Variants in ERC2 observed in about 807,000 individuals in gnomAD.
The protein encoded by ERC2 is ELKS/RAB6-interacting/CAST family member 2, also known as ERC protein 2.
In ERC2, 42 loss-of-function variants were observed where a neutral mutation model predicts 114.8. That is an observed-to-expected ratio of 0.37 (90% CI 0.29 to 0.47). ERC2 has a LOEUF of 0.47. Ranked by LOEUF, ERC2 falls within the 20% of genes least tolerant of loss-of-function variation. The pLI is 0.99. For missense variants in ERC2, 939 were observed against 1,150.7 expected (o/e 0.82, Z 2.66); for synonymous variants, 454 against 425.5 (o/e 1.07, Z -0.82).
chr3:55,725,277 C>T (rs2064841336), intron 15 of ERC2, among the ~76,000 whole-genome samples: 1 of 152,134 alleles, frequency 6.6e-6, no homozygotes, highest in African/African-American at 2.4e-5. Context: ...TTTTTCTAAA[C>T]TAATACTTAA....
intron 17 of ERC2, among the ~76,000 whole-genome samples, chr3:55,664,346 T>C (rs2061267871): frequency 6.6e-6 from 1 of 152,240 alleles, no homozygotes; most frequent in Non-Finnish European, 1.5e-5. Flanking sequence ...GATCTCACTC[T>C]GCATCAAATG....
At chr3:55,831,943 A>G (rs942921074) in intron 14 of ERC2, among the ~76,000 whole-genome samples, 4 of 152,238 alleles carry the variant, frequency 2.6e-5, no homozygotes, top group Admixed American at 2.0e-4. Context: ...ACGGCACACC[A>G]GGAGATTACA....
At chr3:55,716,968 C>T (rs1279571928) in intron 15 of ERC2, among the ~76,000 whole-genome samples, 2 of 152,168 alleles carry the variant, frequency 1.3e-5, no homozygotes, top group African/African-American at 4.8e-5. Context: ...CTCTCAAATG[C>T]TGATCTGTCA....
intron 17 of ERC2, among the ~76,000 whole-genome samples, chr3:55,636,174 C>A (rs2148641393): frequency 6.6e-6 from 1 of 152,316 alleles, no homozygotes; most frequent in East Asian, 1.9e-4. Context: ...CTGCACCCAG[C>A]CTCCATCAGA....
chr3:55,795,518 T>C (rs1304538090), intron 14 of ERC2, among the ~76,000 whole-genome samples: 1 of 152,232 alleles, frequency 6.6e-6, no homozygotes, highest in African/African-American at 2.4e-5. Flanking sequence ...ACTGATCCTT[T>C]TCCCCGTTTA....
chr3:55,795,348 G>C (rs185297064), intron 14 of ERC2, among the ~76,000 whole-genome samples: 1 of 151,988 alleles, frequency 6.6e-6, no homozygotes, highest in East Asian at 1.9e-4. Flanking sequence ...GGATAAGCTG[G>C]GGCACCTTGC....
rs115284609 is a variant in ERC2, at chr3:56,189,639, C to T, written c.1075-16119G>A. Among the ~76,000 whole-genome samples the T allele has an allele frequency of 3.9e-3, 593 of 152,336 alleles. 5 individuals carry two copies. Among genetic ancestry groups the T allele is most frequent in the African/African-American group, 0.013 (525 of 41,578 alleles). On this transcript the variant is annotated intron_variant, in intron 3 of 17. Coordinates refer to ENST00000288221, the MANE Select transcript of ERC2 (RefSeq NM_015576.3). ...ACAGTGAACAAGTCCGGGCCAATCC[C>T]CCTAGAGAATTGCCTTCTGTGAGGG...
At chr3:55,714,667 GTATATATATATATATATA>G (rs59969304) in intron 15 of ERC2, among the ~76,000 whole-genome samples, 38,313 of 87,750 alleles carry the variant, frequency 0.44, 6,782 homozygotes, top group Non-Finnish European at 0.48. Flanking sequence ...GTGTGTGTGT[GTATATATATATATATATA>G]TATATATATA....
intron 10 of ERC2, among the ~76,000 whole-genome samples, chr3:56,000,093 A>G (rs1162361054): frequency 6.6e-6 from 1 of 152,034 alleles, no homozygotes; most frequent in Non-Finnish European, 1.5e-5. Flanking sequence ...TATTCAATAA[A>G]ATAGTATCAA....
At chr3:55,724,261 T>A (rs1436581438) in intron 15 of ERC2, among the ~76,000 whole-genome samples, 1 of 152,054 alleles carries the variant, frequency 6.6e-6, no homozygotes, top group Non-Finnish European at 1.5e-5. Context: ...AGCCTGCACA[T>A]GGTGGCCTCA....
intron 1 of ERC2, among the ~76,000 whole-genome samples, chr3:56,439,421 G>C (rs569779326): frequency 8.5e-5 from 13 of 152,278 alleles, no homozygotes; most frequent in Admixed American, 2.6e-4. Context: ...ACTCCAGCCT[G>C]GGTGACAGAG....
chr3:56,092,196 C>T (rs116452120), intron 6 of ERC2, among the ~76,000 whole-genome samples: 6 of 152,268 alleles, frequency 3.9e-5, no homozygotes, highest in Admixed American at 6.5e-5. Flanking sequence ...TTGTTAATAA[C>T]ACAGTCGAGA....
At chr3:55,922,558 C>T (rs1196793709) in intron 13 of ERC2, among the ~76,000 whole-genome samples, 1 of 152,020 alleles carries the variant, frequency 6.6e-6, no homozygotes, top group African/African-American at 2.4e-5. Flanking sequence ...GTCTTAATTT[C>T]TACAGTTGCT....
chr3:55,514,754 C>G (rs1575435630), intron 17 of ERC2, among the ~76,000 whole-genome samples: 1 of 152,206 alleles, frequency 6.6e-6, no homozygotes, highest in East Asian at 1.9e-4. Flanking sequence ...CTGGAGCCTT[C>G]AGATTAAAGT....
intron 4 of ERC2, 102 bp from the exon 5 acceptor site, chr3:56,149,234 A>C (rs564794422): frequency 8.9e-7 from 1 of 1,119,554 alleles, no homozygotes; most frequent in Non-Finnish European, 1.2e-6. Context: ...GTGCTGTCAC[A>C]TATTAACCAT....
chr3:55,734,768 C>A lies in ERC2; in HGVS notation c.2712+3G>T. On this transcript the variant is annotated splice_donor_region_variant and intron_variant, in intron 15 of 17. Transcript: ENST00000288221. ...AACACACCTGTCTTGCAGGAGGCCC[C>A]ACCTGCTGCTTTAATTGATGTACTA... 1 of 1,607,800 alleles carries A rather than the reference C, an allele frequency of 6.2e-7. No homozygotes were observed. The highest frequency in any genetic ancestry group is 8.5e-7 in the Non-Finnish European group (1 of 1,177,072).
intron 10 of ERC2, among the ~76,000 whole-genome samples, chr3:56,005,663 G>A (rs1021126896): frequency 2.6e-5 from 4 of 151,990 alleles, no homozygotes; most frequent in African/African-American, 7.2e-5. Context: ...CATCTTTCAT[G>A]CCCAGGTCTA....
At chr3:55,695,376 T>C (rs1449179237) in intron 16 of ERC2, among the ~76,000 whole-genome samples, 5 of 152,196 alleles carry the variant, frequency 3.3e-5, no homozygotes, top group Non-Finnish European at 7.3e-5. Flanking sequence ...ACATATTCAA[T>C]GGCTGTGACC....
chr3:55,549,579 G>T (rs2055007467), intron 17 of ERC2, among the ~76,000 whole-genome samples: 1 of 147,398 alleles, frequency 6.8e-6, no homozygotes, highest in South Asian at 2.1e-4. Context: ...CTGCAAGGCT[G>T]TTATATCAGG....
Sources: allele counts gnomAD v4.1 joint callset (sites outside exome capture counted in the v4.1 genomes callset), GRCh38; gene constraint gnomAD v4.1.1; transcripts MANE v1.5; gene names NCBI Gene and HGNC (gene_info 2026-07-23, HGNC 2026-07-21).